Variants in PRIM2 observed in about 807,000 individuals in gnomAD.
PRIM2 encodes DNA primase subunit 2, also known as DNA primase large subunit.
A neutral mutation model predicts 67.3 loss-of-function variants in PRIM2; 39 were observed. The observed-to-expected ratio is 0.58, with a 90% CI of 0.45 to 0.76. The LOEUF (loss-of-function observed/expected upper bound fraction) is 0.76, where lower values mean the gene tolerates loss of function less well. Ranked by LOEUF, PRIM2 falls within the 30% of genes least tolerant of loss-of-function variation. PRIM2 has a pLI of 0.00. For synonymous variants in PRIM2, 143 were observed against 198.7 expected (o/e 0.72, Z 2.36); for missense variants, 398 against 598.7 (o/e 0.66, Z 3.50).
intron 10 of PRIM2, among the ~76,000 whole-genome samples, chr6:57,562,124 A>G (rs1376481287): frequency 6.6e-6 from 1 of 152,172 alleles, no homozygotes; most frequent in Non-Finnish European, 1.5e-5. Context: ...ACCCCAAAAC[A>G]ATTCCATTAG....
At chr6:57,529,722 A>G (rs1203948888) in intron 8 of PRIM2, among the ~76,000 whole-genome samples, 3 of 152,206 alleles carry the variant, frequency 2.0e-5, no homozygotes, top group African/African-American at 7.2e-5. Context: ...ATAGGTTGGA[A>G]AGGACCCATG....
intron 7 of PRIM2, among the ~76,000 whole-genome samples, chr6:57,457,581 C>T (rs543589007): frequency 2.0e-5 from 3 of 152,142 alleles, no homozygotes; most frequent in Non-Finnish European, 4.4e-5. Context: ...GTAGGACCCC[C>T]GAGCCAGGCG....
chr6:57,229,492 ATTT>A, the PRIM2 span, among the ~76,000 whole-genome samples: 1 of 78,708 alleles, frequency 1.3e-5, no homozygotes, highest in Non-Finnish European at 3.0e-5. Context: ...TTTTTTATTT[ATTT>A]TTTTTTTTTT....
intron 7 of PRIM2, among the ~76,000 whole-genome samples, chr6:57,454,324 C>T (rs1772676116): frequency 2.0e-5 from 3 of 152,266 alleles, no homozygotes; most frequent in South Asian, 2.1e-4. Flanking sequence ...GGAGGATTCC[C>T]TCTTTTTCTA....
At position 57,592,454 on chromosome 6, in the gene PRIM2, T is replaced by C. The variant is rs1293315434; in HGVS notation, c.1021-8639T>C. Among the ~76,000 whole-genome samples, 17 of 152,370 alleles carry C rather than the reference T, an allele frequency of 1.1e-4. No individual in the cohort carries two copies. In the South Asian group the frequency reaches 3.5e-3, roughly 32 times the overall value. On this transcript the variant is annotated intron_variant, in intron 10 of 13. Transcript: ENST00000615550. ...GGATACTTTTTAACCATTCTCACTT[T>C]ATTGTTCAAGCCGACCTTGCATAAT...
chr6:57,427,284 C>G (rs1419709951), intron 7 of PRIM2, among the ~76,000 whole-genome samples: 11 of 152,076 alleles, frequency 7.2e-5, no homozygotes, highest in Admixed American at 6.5e-4. Context: ...GTAATTTAAA[C>G]CAAAAAACTT....
At chr6:57,282,822 T>C in the PRIM2 span, among the ~76,000 whole-genome samples, 1 of 152,134 alleles carries the variant, frequency 6.6e-6, no homozygotes. Flanking sequence ...AGAAAATAAA[T>C]TTCTGTGGTT....
intron 11 of PRIM2, among the ~76,000 whole-genome samples, chr6:57,601,535 G>T (rs1468374314): frequency 6.6e-6 from 1 of 152,202 alleles, no homozygotes; most frequent in Non-Finnish European, 1.5e-5. Context: ...CTTAGAGGGC[G>T]ATGTAAGTTT....
intron 8 of PRIM2, among the ~76,000 whole-genome samples, chr6:57,525,618 A>G (rs1774733737): frequency 6.6e-6 from 1 of 152,184 alleles, no homozygotes; most frequent in African/African-American, 2.4e-5. Context: ...ACAACATTCT[A>G]ATAACATTCT....
At chr6:57,607,079 A>G (rs1776577236) in intron 12 of PRIM2, among the ~76,000 whole-genome samples, 1 of 152,220 alleles carries the variant, frequency 6.6e-6, no homozygotes, top group African/African-American at 2.4e-5. Context: ...TGTGCTTTCA[A>G]GTTGACTGGA....
At chr6:57,232,953 C>T in the PRIM2 span, among the ~76,000 whole-genome samples, 2 of 152,318 alleles carry the variant, frequency 1.3e-5, no homozygotes, top group East Asian at 3.9e-4. Context: ...TCCTAAAAAG[C>T]TGGCCACAGA....
chr6:57,427,985 G>A (rs9475945), intron 7 of PRIM2, among the ~76,000 whole-genome samples: 3,735 of 152,142 alleles, frequency 0.025, 144 homozygotes, highest in African/African-American at 0.086. Flanking sequence ...CTCACATGGT[G>A]ATTGTTTCCT....
chr6:57,320,001 A>T (rs2127268319), intron 2 of PRIM2, among the ~76,000 whole-genome samples: 1 of 152,282 alleles, frequency 6.6e-6, no homozygotes. Context: ...GGCTGTTTGG[A>T]TGGCCTTTCT....
chr6:57,468,633 G>GT (rs1773262951), intron 7 of PRIM2, among the ~76,000 whole-genome samples: 1 of 152,176 alleles, frequency 6.6e-6, no homozygotes, highest in Non-Finnish European at 1.5e-5. Flanking sequence ...TCAGGATGAT[G>GT]TTGGCCTCAT....
chr6:57,464,710 C>G (rs1581934090), intron 7 of PRIM2, among the ~76,000 whole-genome samples: 1 of 152,146 alleles, frequency 6.6e-6, no homozygotes, highest in African/African-American at 2.4e-5. Context: ...ATGATAACAA[C>G]CACCACAATA....
chr6:57,603,833 TTG>T (rs2127492245), intron 11 of PRIM2, among the ~76,000 whole-genome samples: 1 of 152,058 alleles, frequency 6.6e-6, no homozygotes, highest in Admixed American at 6.6e-5. Flanking sequence ...GTTTTCCTGT[TTG>T]TGTTGTCTCT....
intron 5 of PRIM2, among the ~76,000 whole-genome samples, chr6:57,349,205 A>G (rs1581816383): frequency 6.6e-6 from 1 of 152,086 alleles, no homozygotes; most frequent in Admixed American, 6.5e-5. Flanking sequence ...TTGTTCCTGG[A>G]CTCCAACTAG....
At chr6:57,353,179 C>T (rs1290924737) in intron 5 of PRIM2, among the ~76,000 whole-genome samples, 7 of 147,818 alleles carry the variant, frequency 4.7e-5, no homozygotes, top group African/African-American at 7.5e-5. Context: ...TGGATTTTTC[C>T]GGTCAGTGAA....
chr6:57,490,813 G>C lies in PRIM2; in HGVS notation c.694-16574G>C, dbSNP rs1433471708. ...AGAGACATCTCACTATGTTGCCCAG[G>C]TTGGTCTCAAACTCCTGGGCTCAAG... On this transcript the variant is annotated intron_variant, in intron 7 of 13. Coordinates refer to ENST00000615550, the MANE Select transcript of PRIM2 (RefSeq NM_000947.5). Among the ~76,000 whole-genome samples, 3 of 152,076 alleles carry C rather than the reference G, an allele frequency of 2.0e-5. 1 individual carries two copies. The highest frequency in any genetic ancestry group is 4.4e-5 in the Non-Finnish European group (3 of 68,008).
Sources: gnomAD v4.1 joint callset for allele counts (sites outside exome capture counted in the v4.1 genomes callset) on GRCh38, gnomAD v4.1.1 for gene constraint, MANE v1.5 for transcripts, NCBI Gene and HGNC (gene_info 2026-07-23, HGNC 2026-07-21) for gene names.